PRLR: variants seen among roughly 807,000 people sequenced by gnomAD.
PRLR encodes hPRL receptor.
A neutral mutation model predicts 40.2 loss-of-function variants in PRLR; 13 were observed. The observed-to-expected ratio is 0.32, with a 90% confidence interval of 0.21 to 0.51. PRLR has a LOEUF of 0.51. PRLR is among the 20% of genes least tolerant of loss of function. The pLI, the probability that PRLR is intolerant of heterozygous loss-of-function variation, is 0.97. For synonymous variants in PRLR, 269 were observed against 278.7 expected, an observed-to-expected ratio of 0.97 and a Z score of 0.35; for missense variants, 656 against 747.3, an observed-to-expected ratio of 0.88 and a Z score of 1.42.
intron 1 of PRLR, among the ~76,000 whole-genome samples, chr5:35,127,619 T>C (rs1001531391): frequency 1.3e-5 from 2 of 152,216 alleles, no homozygotes; most frequent in African/African-American, 2.4e-5. Context: ...CATCAACTGA[T>C]GAATGGATAT....
chr5:35,134,661 T>C (rs759601090), intron 1 of PRLR, among the ~76,000 whole-genome samples: 3 of 152,200 alleles, frequency 2.0e-5, no homozygotes, highest in Non-Finnish European at 4.4e-5. Flanking sequence ...TTTAATTTAA[T>C]TAACTGAAAA....
chr5:35,050,209 A>G (rs1768448109), intron 8 of PRLR, among the ~76,000 whole-genome samples: 1 of 152,154 alleles, frequency 6.6e-6, no homozygotes, highest in African/African-American at 2.4e-5. Context: ...GGACAAAACT[A>G]TATTCTAAGA....
intron 1 of PRLR, among the ~76,000 whole-genome samples, chr5:35,174,412 G>A (rs185420262): frequency 9.2e-5 from 14 of 152,154 alleles, no homozygotes; most frequent in Admixed American, 1.3e-4. Flanking sequence ...TTTCTACATC[G>A]ACACATGCAG....
intron 2 of PRLR, among the ~76,000 whole-genome samples, chr5:35,104,228 TG>T (rs1772078699): frequency 6.6e-6 from 1 of 152,054 alleles, no homozygotes; most frequent in Non-Finnish European, 1.5e-5. Context: ...GTATGTCACT[TG>T]AGGTATTAAT....
intron 1 of PRLR, chr5:35,135,474 T>G (rs1461811199): frequency 1.3e-5 from 2 of 152,402 alleles, no homozygotes; most frequent in Admixed American, 1.3e-4. Flanking sequence ...TTTATTGATC[T>G]GTTTTGTGTC....
At chr5:35,219,625 A>G (rs1361134981) in intron 1 of PRLR, among the ~76,000 whole-genome samples, 1 of 152,222 alleles carries the variant, frequency 6.6e-6, no homozygotes, top group African/African-American at 2.4e-5. Context: ...CAGAAAAGAG[A>G]TAAACTAGTA....
At chr5:35,127,360 G>T (rs192975553) in intron 1 of PRLR, among the ~76,000 whole-genome samples, 1 of 152,172 alleles carries the variant, frequency 6.6e-6, no homozygotes. Context: ...ACTCTATTAA[G>T]ATAGTTGAAA....
intron 1 of PRLR, among the ~76,000 whole-genome samples, chr5:35,183,050 C>G (rs1293507530): frequency 2.6e-5 from 4 of 152,198 alleles, no homozygotes; most frequent in Non-Finnish European, 4.4e-5. Context: ...CTCTCCCACC[C>G]AAGGAAAAGA....
intron 1 of PRLR, among the ~76,000 whole-genome samples, chr5:35,203,983 C>A (rs1015497374): frequency 4.6e-5 from 7 of 151,812 alleles, no homozygotes; most frequent in Non-Finnish European, 5.9e-5. Context: ...AAAACAAACC[C>A]AACAACAAAA....
At chr5:35,078,575 C>CA (rs1277876989) in intron 5 of PRLR, among the ~76,000 whole-genome samples, 1,496 of 143,542 alleles carry the variant, frequency 0.01, 21 homozygotes, top group African/African-American at 0.035. Context: ...GCCTACCAAC[C>CA]AAAAAAAAAA....
At chr5:35,159,546 G>A (rs1459546836) in intron 1 of PRLR, among the ~76,000 whole-genome samples, 1 of 152,096 alleles carries the variant, frequency 6.6e-6, no homozygotes, top group Non-Finnish European at 1.5e-5. Flanking sequence ...TGGCCGTTAA[G>A]CAAGCATGTT....
chr5:35,187,074 T>C (rs1448599288), intron 1 of PRLR, among the ~76,000 whole-genome samples: 2 of 152,144 alleles, frequency 1.3e-5, no homozygotes, highest in African/African-American at 4.8e-5. Context: ...GCCGGTCTCC[T>C]GATCAGTAAA....
chr5:35,116,077 T>C (rs1447753989), intron 2 of PRLR, among the ~76,000 whole-genome samples: 1 of 152,126 alleles, frequency 6.6e-6, no homozygotes, highest in African/African-American at 2.4e-5. Flanking sequence ...ATCAGAAGTA[T>C]CTTTGTAATC....
chr5:35,185,676 T>G (rs979729250), intron 1 of PRLR, among the ~76,000 whole-genome samples: 1 of 152,192 alleles, frequency 6.6e-6, no homozygotes, highest in African/African-American at 2.4e-5. Flanking sequence ...ACAGTCACAT[T>G]AGTAGAAGGC....
intron 1 of PRLR, among the ~76,000 whole-genome samples, chr5:35,150,662 A>C (rs1477623915): frequency 1.3e-5 from 2 of 152,206 alleles, no homozygotes; most frequent in Non-Finnish European, 2.9e-5. Flanking sequence ...ATATATGATA[A>C]ATATTGGAAA....
At chr5:35,051,842 G>C (rs1283903379), downstream of PRLR, among the ~76,000 whole-genome samples, 1 of 152,018 alleles carries the variant, frequency 6.6e-6, no homozygotes, top group Non-Finnish European at 1.5e-5. Context: ...AGAACAATTA[G>C]GAAGTAAAGG....
At chr5:35,147,752 C>G (rs999028462) in intron 1 of PRLR, among the ~76,000 whole-genome samples, 1 of 152,038 alleles carries the variant, frequency 6.6e-6, no homozygotes, top group Non-Finnish European at 1.5e-5. Flanking sequence ...TATACATGCA[C>G]AAATATATTC....
Position 35,197,952 on chromosome 5 carries a change from G to A in PRLR, c.-106+32316C>T, listed in dbSNP as rs114923774. Among the ~76,000 whole-genome samples, 400 of 152,324 alleles carry A rather than the reference G, an allele frequency of 2.6e-3. 1 individual carries two copies. The highest frequency in any genetic ancestry group is 8.4e-3 in the African/African-American group (349 of 41,576). ...GCCCATCCTGGTTAGAGGGAAAACC[G>A]CCTCTGATGGCTGTCCTGACAAAGG... On this transcript the variant is annotated intron_variant, in intron 1 of 9. Coordinates refer to ENST00000618457, the MANE Select transcript of PRLR (RefSeq NM_000949.7).
At chr5:35,091,426 T>C (rs776499110) in intron 2 of PRLR, among the ~76,000 whole-genome samples, 1 of 152,184 alleles carries the variant, frequency 6.6e-6, no homozygotes, top group Non-Finnish European at 1.5e-5. Context: ...TTTCATTTTG[T>C]CATCACAACA....
Sources: allele counts gnomAD v4.1 joint callset (sites outside exome capture counted in the v4.1 genomes callset), GRCh38; gene constraint gnomAD v4.1.1; transcripts MANE v1.5; gene names NCBI Gene and HGNC (gene_info 2026-07-23, HGNC 2026-07-21).